PTPN11: variants seen among roughly 807,000 people sequenced by gnomAD.
PTPN11 encodes protein tyrosine phosphatase non-receptor type 11.
Under a neutral mutation model 78.8 loss-of-function variants are expected in PTPN11, and 6 were observed. That is an observed-to-expected ratio of 0.08 (90% confidence interval 0.04 to 0.15). The LOEUF (loss-of-function observed/expected upper bound fraction) is 0.15. PTPN11 is among the 10% of genes least tolerant of loss of function. PTPN11 has a pLI of 1.00. For missense variants in PTPN11, 386 were observed against 744.8 expected (o/e 0.52, Z 5.61); for synonymous variants, 221 against 263.5 (o/e 0.84, Z 1.56).
intron 5 of PTPN11, 153 bp downstream of exon 5, chr12:112,454,833 T>G (rs1230901379): frequency 1.4e-6 from 1 of 697,570 alleles, no homozygotes; most frequent in African/African-American, 1.8e-5. Context: ...TTTTTTTTTT[T>G]TTTTTTGAGA....
chr12:112,463,071 A>G (rs1174324486), intron 6 of PTPN11, among the ~76,000 whole-genome samples: 2 of 152,208 alleles, frequency 1.3e-5, no homozygotes, highest in Admixed American at 1.3e-4. Flanking sequence ...GTTAAATGTA[A>G]AAAATAGTGA....
At chr12:112,429,819 AC>A (rs1048636614) in intron 1 of PTPN11, among the ~76,000 whole-genome samples, 1 of 151,370 alleles carries the variant, frequency 6.6e-6, no homozygotes, top group Non-Finnish European at 1.5e-5. Context: ...AAAAACAACA[AC>A]AAAAAAAGAA....
chr12:112,457,134 C>T (rs2038174387), intron 6 of PTPN11, among the ~76,000 whole-genome samples: 1 of 151,994 alleles, frequency 6.6e-6, no homozygotes. Context: ...ATAGGCTGGG[C>T]GTGGTGGCTC....
At chr12:112,492,168 C>T (rs2038754675) in intron 13 of PTPN11, among the ~76,000 whole-genome samples, 1 of 152,164 alleles carries the variant, frequency 6.6e-6, no homozygotes, top group Non-Finnish European at 1.5e-5. Flanking sequence ...TCTAGTCATG[C>T]ATTTTTGGCA....
At chr12:112,505,503 C>T (rs934908958) in intron 15 of PTPN11, among the ~76,000 whole-genome samples, 1 of 151,648 alleles carries the variant, frequency 6.6e-6, no homozygotes, top group Non-Finnish European at 1.5e-5. Context: ...GAGACCAACC[C>T]GTCTCTACTA....
At chr12:112,420,634 A>T (rs909872887) in intron 1 of PTPN11, among the ~76,000 whole-genome samples, 8 of 152,128 alleles carry the variant, frequency 5.3e-5, no homozygotes, top group Non-Finnish European at 1.2e-4. Flanking sequence ...GAGCCACCGT[A>T]CCCAGCCTGA....
Position 112,425,347 on chromosome 12 carries a change from A to G in PTPN11, c.14+6222A>G, listed in dbSNP as rs142297193. Reference sequence around the variant, plus strand: ...CCTTTTACTTATAATGCTTGTCCCTATTGATGCCTTTTTTTTCAGCATGAC... The same window carrying G: ...CCTTTTACTTATAATGCTTGTCCCTGTTGATGCCTTTTTTTTCAGCATGAC... On this transcript the variant is annotated intron_variant, in intron 1 of 15. Transcript: ENST00000351677. Among the ~76,000 whole-genome samples, 553 of 152,044 alleles carry G rather than the reference A, an allele frequency of 3.6e-3. 2 individuals are homozygous for G. Among genetic ancestry groups the G allele is most frequent in the African/African-American group, 0.013 (526 of 41,456 alleles).
chr12:112,485,715 G>A (rs936829982), intron 10 of PTPN11, among the ~76,000 whole-genome samples: 43 of 152,184 alleles, frequency 2.8e-4, no homozygotes, highest in African/African-American at 1.0e-3. Context: ...GGTGGCTCAC[G>A]CCTGTAATCC....
intron 1 of PTPN11, among the ~76,000 whole-genome samples, chr12:112,440,094 A>G (rs2037860761): frequency 6.6e-6 from 1 of 152,100 alleles, no homozygotes; most frequent in Non-Finnish European, 1.5e-5. Context: ...TTACTTTTTG[A>G]TTCCTTAGAA....
At chr12:112,446,992 G>C (rs928332120) in intron 2 of PTPN11, among the ~76,000 whole-genome samples, 1 of 151,768 alleles carries the variant, frequency 6.6e-6, no homozygotes, top group Non-Finnish European at 1.5e-5. Flanking sequence ...CAGCCTCCCG[G>C]GTAGCTGGGA....
In PTPN11 at chr12:112,419,122, G is replaced by A; in HGVS notation, c.11G>A (p.Arg4Gln). 6.6e-7 allele frequency: 1 copy of A among 1,523,540 alleles called. No homozygotes were observed. Among genetic ancestry groups the A allele is most frequent in the Non-Finnish European group, 8.8e-7 (1 of 1,138,308 alleles). 94.4% of individuals were successfully genotyped at this position (1,523,540 alleles called of 1,614,324 possible). A position where few individuals can be genotyped will look rare whatever the true frequency, so the allele number is the denominator to read the frequency against. The part of the protein sequence containing the change: MTS[R>Q]RWFHPNITGV... ...GAGGGCGGGAGGAACATGACATCGC[G>A]GAGGTGAGGAGCCCCGAGGGGCCCG... Residue 4 changes from arginine to glutamine, a missense_variant, in exon 1 of 16, where the codon CGG becomes CAG. Coordinates refer to ENST00000351677, the MANE Select transcript of PTPN11 (RefSeq NM_002834.5).
intron 1 of PTPN11, among the ~76,000 whole-genome samples, chr12:112,443,334 G>T (rs964640638): frequency 6.6e-6 from 1 of 150,804 alleles, no homozygotes; most frequent in South Asian, 2.1e-4. Context: ...TTTGCATCCC[G>T]CCAAACTCCT....
At chr12:112,491,366 T>A (rs1260555685) in intron 13 of PTPN11, among the ~76,000 whole-genome samples, 1 of 152,116 alleles carries the variant, frequency 6.6e-6, no homozygotes, top group African/African-American at 2.4e-5. Context: ...CACACTTAAC[T>A]TTATCATTCG....
chr12:112,466,685 G>T lies in PTPN11; in HGVS notation c.757-6259G>T, dbSNP rs143831655. 3.5e-4 allele frequency among the ~76,000 whole-genome samples: 53 copies of T among 152,124 alleles called. 1 individual carries two copies. The East Asian group carries it at 9.7e-3, about 28-fold the overall frequency. On this transcript the variant is annotated intron_variant, in intron 6 of 15. Transcript: ENST00000351677. Reference sequence around the variant, plus strand: ...GTCTTAAAAAGTAATCTCTGTGCTTGGTAGGCCAAGAATTTAAAATATAAA... The same window carrying T: ...GTCTTAAAAAGTAATCTCTGTGCTTTGTAGGCCAAGAATTTAAAATATAAA...
chr12:112,448,450 C>G (rs1443725191), intron 2 of PTPN11, among the ~76,000 whole-genome samples: 1 of 151,652 alleles, frequency 6.6e-6, no homozygotes, highest in Non-Finnish European at 1.5e-5. Context: ...CTCTTGGCCT[C>G]AAGGGATCTG....
At chr12:112,495,896 C>A (rs1373375238) in intron 13 of PTPN11, among the ~76,000 whole-genome samples, 1 of 152,214 alleles carries the variant, frequency 6.6e-6, no homozygotes, top group Admixed American at 6.5e-5. Flanking sequence ...ATCAAAAAAA[C>A]CATAAGGCAA....
chr12:112,428,441 G>A (rs1159734416), intron 1 of PTPN11, among the ~76,000 whole-genome samples: 2 of 134,882 alleles, frequency 1.5e-5, no homozygotes, highest in East Asian at 2.4e-4. Context: ...ATATACAAGC[G>A]CTTATAACCT....
Position 112,419,104 on chromosome 12 carries a change from G to C in PTPN11, c.-8G>C. ...GGGTCCGTCGCGGAGCCGGAGGGCGGGAGGAACATGACATCGCGGAGGTGA... is the reference window on the plus strand; with the variant it reads ...GGGTCCGTCGCGGAGCCGGAGGGCGCGAGGAACATGACATCGCGGAGGTGA... On this transcript the variant is annotated 5_prime_UTR_variant, in exon 1 of 16. Coordinates refer to ENST00000351677, the MANE Select transcript of PTPN11 (RefSeq NM_002834.5). The C allele has an allele frequency of 2.0e-6, 3 of 1,531,068 alleles. No individual in the cohort carries two copies. Among genetic ancestry groups the C allele is most frequent in the Middle Eastern group, 2.3e-4 (1 of 4,324 alleles). 94.8% of individuals were successfully genotyped at this position (1,531,068 alleles called of 1,614,324 possible).
chr12:112,451,327 T>C (rs1250390918), intron 3 of PTPN11, among the ~76,000 whole-genome samples: 1 of 152,216 alleles, frequency 6.6e-6, no homozygotes. Context: ...TTTTACTGTT[T>C]TCAGTTGAGT....
Sources: allele counts gnomAD v4.1 joint callset (sites outside exome capture counted in the v4.1 genomes callset), GRCh38; gene constraint gnomAD v4.1.1; transcripts MANE v1.5; gene names NCBI Gene and HGNC (gene_info 2026-07-23, HGNC 2026-07-21).